Variants in PRKAA1 observed in about 807,000 individuals in gnomAD.
PRKAA1 encodes the protein 5'-AMP-activated protein kinase catalytic subunit alpha-1.
A neutral mutation model predicts 56.9 loss-of-function variants in PRKAA1; 23 were observed. The ratio of observed to expected loss-of-function variants is 0.40; its 90% CI spans 0.29 to 0.57. PRKAA1 has a LOEUF of 0.57. Ranked by LOEUF, PRKAA1 falls within the 20% of genes least tolerant of loss-of-function variation. PRKAA1 has a pLI of 0.39. For synonymous variants in PRKAA1, 226 were observed against 227.0 expected, an observed-to-expected ratio of 1.00 and a Z score of 0.04; for missense variants, 413 against 679.7, an observed-to-expected ratio of 0.61 and a Z score of 4.36.
At chr5:40,765,286 A>G in intron 6 of PRKAA1, 48 bp from the exon 7 acceptor site, 1 of 1,524,638 alleles carries the variant, frequency 6.6e-7, no homozygotes, top group Admixed American at 2.1e-5. Context: ...AATAGAGCTG[A>G]GACTGAAAGT....
At chr5:40,783,370 T>TC (rs386403662) in intron 1 of PRKAA1, among the ~76,000 whole-genome samples, 7 of 13,408 alleles carry the variant, frequency 5.2e-4, no homozygotes, top group African/African-American at 7.5e-4. Context: ...CACAAAAAAA[T>TC]CATATAAAAA....
rs147350847 is a variant in PRKAA1 at position 40,761,493 on chromosome 5, T to G, written c.*1285A>C. On this transcript the variant is annotated 3_prime_UTR_variant, in exon 9 of 9. Transcript: ENST00000397128. Reference sequence around the variant, plus strand: ...AGCTGTATCTATACATATATAGGTATAGAGAAAACAAATGACAAAACATTA... The same window carrying G: ...AGCTGTATCTATACATATATAGGTAGAGAGAAAACAAATGACAAAACATTA... The G allele has an allele frequency of 6.6e-6, 1 of 152,178 alleles. No individual in the cohort carries two copies. The highest frequency in any genetic ancestry group is 2.1e-4 in the South Asian group (1 of 4,836). 9.4% of individuals were successfully genotyped at this position (152,178 alleles called of 1,614,324 possible).
chr5:40,768,424 C>G (rs1743571255), intron 5 of PRKAA1: 2 of 922,714 alleles, frequency 2.2e-6, no homozygotes, highest in African/African-American at 3.6e-5. Flanking sequence ...TAAATAACAA[C>G]TTTCCACAGT....
chr5:40,760,178 T>A lies in PRKAA1; in HGVS notation c.*2600A>T, dbSNP rs1371965126. The stretch of plus-strand genomic sequence containing the variant: ...TAACAATTTGCAAACAACAAAAAAA[T>A]TGTGAAAATTCTGTTGCAACCTTGA... On this transcript the variant is annotated 3_prime_UTR_variant, in exon 9 of 9. Coordinates refer to ENST00000397128, the MANE Select transcript of PRKAA1 (RefSeq NM_006251.6). 6.5e-6 allele frequency: 1 copy of A among 152,730 alleles called. No homozygotes were observed. The highest frequency in any genetic ancestry group is 6.5e-5 in the Admixed American group (1 of 15,274). 9.5% of individuals were successfully genotyped at this position (152,730 alleles called of 1,614,324 possible).
At chr5:40,797,558 C>G (rs529004467) in intron 1 of PRKAA1, among the ~76,000 whole-genome samples, 1 of 152,338 alleles carries the variant, frequency 6.6e-6, no homozygotes, top group South Asian at 2.1e-4. Flanking sequence ...TGCGGAAACA[C>G]ATTTCGCACT....
At position 40,769,402 on chromosome 5, in the gene PRKAA1, G is replaced by A. The variant is rs751333305; in HGVS notation, c.596+14C>T. 136 of 1,571,134 alleles carry A rather than the reference G, an allele frequency of 8.7e-5. 2 individuals are homozygous for A. The Admixed American group carries it at 2.3e-3, about 26-fold the overall frequency. ...TTTCAAATGTATTGAGGGAGGCAGG[G>A]TATCAAATACTACCTTCCTGAAATT... On this transcript the variant is annotated intron_variant, in intron 5 of 8. Coordinates refer to ENST00000397128, the MANE Select transcript of PRKAA1 (RefSeq NM_006251.6).
rs1743130317 is a variant in PRKAA1 at position 40,760,363 on chromosome 5, A to C, written c.*2415T>G. On this transcript the variant is annotated 3_prime_UTR_variant, in exon 9 of 9. Transcript: ENST00000397128. ...ATGAATCACAATAACTTATAAGAGA[A>C]GCAAAGTTTACAAAATTAACAATTT... is the stretch of plus-strand genomic sequence containing the variant. 1 of 152,740 alleles carries C rather than the reference A, an allele frequency of 6.5e-6. No homozygotes were observed. The highest frequency in any genetic ancestry group is 1.5e-5 in the Non-Finnish European group (1 of 68,018). 9.5% of individuals were successfully genotyped at this position (152,740 alleles called of 1,614,324 possible).
chr5:40,794,426 C>T (rs1301856848), intron 1 of PRKAA1, among the ~76,000 whole-genome samples: 2 of 152,168 alleles, frequency 1.3e-5, no homozygotes, highest in Non-Finnish European at 2.9e-5. Flanking sequence ...AAGATTTTCT[C>T]CCACTGTGTG....
intron 3 of PRKAA1, among the ~76,000 whole-genome samples, chr5:40,773,003 C>G (rs1743820251): frequency 6.6e-6 from 1 of 152,038 alleles, no homozygotes; most frequent in African/African-American, 2.4e-5. Flanking sequence ...AAGTGACAGC[C>G]ATTACTTGGA....
At chr5:40,771,983 T>A in intron 3 of PRKAA1, 120 bp from the exon 4 acceptor site, 1 of 1,224,072 alleles carries the variant, frequency 8.2e-7, no homozygotes, top group Non-Finnish European at 1.1e-6. Context: ...GAACTTCACT[T>A]ATGAGATACT....
chr5:40,774,592 A>C (rs1743908157), intron 3 of PRKAA1, among the ~76,000 whole-genome samples: 1 of 150,034 alleles, frequency 6.7e-6, no homozygotes, highest in African/African-American at 2.5e-5. Context: ...AGCAGGAGTA[A>C]AGGGGAGTAC....
At chr5:40,771,612 A>G in intron 4 of PRKAA1, 107 bp downstream of exon 4, 1 of 1,118,062 alleles carries the variant, frequency 8.9e-7, no homozygotes, top group Non-Finnish European at 1.3e-6. Flanking sequence ...TACTCAGTCT[A>G]TTACTTTATG....
chr5:40,769,130 T>G (rs1202482980), intron 5 of PRKAA1, among the ~76,000 whole-genome samples: 2 of 152,328 alleles, frequency 1.3e-5, no homozygotes, highest in Middle Eastern at 6.8e-3. Context: ...TACTAGATAT[T>G]TCTGTATTAT....
chr5:40,769,660 C>G (rs545661305), intron 4 of PRKAA1, among the ~76,000 whole-genome samples, 157 bp from the exon 5 acceptor site: 1 of 152,104 alleles, frequency 6.6e-6, no homozygotes, highest in East Asian at 1.9e-4. Flanking sequence ...AAATATTCTG[C>G]CATTATGCCC....
intron 1 of PRKAA1, among the ~76,000 whole-genome samples, chr5:40,792,159 C>T (rs1744743752): frequency 6.6e-6 from 1 of 152,142 alleles, no homozygotes; most frequent in Non-Finnish European, 1.5e-5. Flanking sequence ...TAAAAGCAGT[C>T]ACATTTAAGA....
intron 1 of PRKAA1, among the ~76,000 whole-genome samples, chr5:40,780,847 A>G (rs1357990568): frequency 6.6e-6 from 1 of 152,182 alleles, no homozygotes; most frequent in Non-Finnish European, 1.5e-5. Context: ...TCAGACTCAC[A>G]TACTAATCTC....
At chr5:40,774,913 A>G in intron 3 of PRKAA1, 2 of 1,576,736 alleles carry the variant, frequency 1.3e-6, no homozygotes, top group Non-Finnish European at 8.7e-7. Context: ...TAAATTCTTT[A>G]TATCTAATTC....
At chr5:40,769,878 TAAAAAAAAAAAA>T (rs3071208) in intron 4 of PRKAA1, among the ~76,000 whole-genome samples, 7 of 109,894 alleles carry the variant, frequency 6.4e-5, no homozygotes, top group Admixed American at 9.9e-5. Flanking sequence ...TCTGATTCTT[TAAAAAAAAAAAA>T]AAAAAAAAAA....
intron 1 of PRKAA1, among the ~76,000 whole-genome samples, chr5:40,797,469 G>T (rs959197718): frequency 2.0e-5 from 3 of 152,132 alleles, no homozygotes; most frequent in African/African-American, 7.2e-5. Context: ...TAACTGCTCC[G>T]AAGGAAACCA....
Sources: allele counts gnomAD v4.1 joint callset (sites outside exome capture counted in the v4.1 genomes callset), GRCh38; gene constraint gnomAD v4.1.1; transcripts MANE v1.5; gene names NCBI Gene and HGNC (gene_info 2026-07-23, HGNC 2026-07-21).